Variants in DRD3 observed in about 807,000 individuals in gnomAD.
DRD3 encodes the protein D(3) dopamine receptor.
DRD3 carries 19 observed loss-of-function variants against 36.3 expected under a neutral mutation model. The ratio of observed to expected loss-of-function variants is 0.52; its 90% CI spans 0.36 to 0.77. The LOEUF (loss-of-function observed/expected upper bound fraction) is 0.77, where lower values mean the gene tolerates loss of function less well. DRD3 is among the 30% of genes least tolerant of loss of function. DRD3 has a pLI of 0.00. For missense variants in DRD3, 465 were observed against 505.3 expected (o/e 0.92, Z 0.77); for synonymous variants, 195 against 203.7 (o/e 0.96, Z 0.36).
chr3:114,178,918 G>A lies in DRD3; in HGVS notation c.-297C>T, dbSNP rs973896900. The A allele has an allele frequency of 4.6e-5, 7 of 152,178 alleles. No individual in the cohort carries two copies. The highest frequency in any genetic ancestry group is 1.4e-4 in the African/African-American group (6 of 41,430). 9.4% of individuals were successfully genotyped at this position (152,178 alleles called of 1,614,324 possible). A position where few individuals can be genotyped will look rare whatever the true frequency, so the allele number is the denominator to read the frequency against. The stretch of plus-strand genomic sequence containing the variant: ...TGTATCCGTTTTCTTTAGAGGATTT[G>A]GGAGGGACCCTAAACTGAGCGTTGC... On this transcript the variant is annotated 5_prime_UTR_variant, in exon 1 of 7. Coordinates refer to ENST00000383673, the MANE Select transcript of DRD3 (RefSeq NM_000796.6).
At chr3:114,131,075 A>T (rs749068681) in intron 6 of DRD3, 43 bp downstream of exon 6, 1 of 1,587,056 alleles carries the variant, frequency 6.3e-7, no homozygotes. Context: ...AACTTAACAC[A>T]ACCTAACCCA....
chr3:114,130,304 G>A lies in DRD3; in HGVS notation c.1006+814C>T, dbSNP rs575548642. On this transcript the variant is annotated intron_variant, in intron 6 of 6. Transcript: ENST00000383673. ...ATCTTGATTGTATGCATTATGGAAAGCTTGGTAAATACAGACAAGTAGGAA... is the reference window on the plus strand; with the variant it reads ...ATCTTGATTGTATGCATTATGGAAAACTTGGTAAATACAGACAAGTAGGAA... Among the ~76,000 whole-genome samples the A allele has an allele frequency of 2.5e-3, 384 of 152,056 alleles. 2 individuals are homozygous for A. The highest frequency in any genetic ancestry group is 8.6e-3 in the African/African-American group (355 of 41,470).
intron 4 of DRD3, among the ~76,000 whole-genome samples, chr3:114,142,857 C>G (rs985228313): frequency 2.0e-5 from 3 of 152,250 alleles, no homozygotes; most frequent in African/African-American, 7.2e-5. Context: ...TCTAAGCAAA[C>G]AGCTTCCCTT....
intron 2 of DRD3, among the ~76,000 whole-genome samples, chr3:114,160,160 A>C (rs2077719371): frequency 6.6e-6 from 1 of 152,222 alleles, no homozygotes; most frequent in African/African-American, 2.4e-5. Context: ...TGTTTATTAA[A>C]GATGTAGATT....
intron 5 of DRD3, among the ~76,000 whole-genome samples, chr3:114,137,432 C>G (rs2077484043): frequency 6.6e-6 from 1 of 152,220 alleles, no homozygotes; most frequent in Non-Finnish European, 1.5e-5. Flanking sequence ...AGCCTTGGGT[C>G]TTGATCTCCT....
At chr3:114,165,939 C>T (rs1205731666) in intron 2 of DRD3, among the ~76,000 whole-genome samples, 1 of 150,392 alleles carries the variant, frequency 6.6e-6, no homozygotes, top group Non-Finnish European at 1.5e-5. Flanking sequence ...TCCAGGGCTG[C>T]CCTGGAAATG....
chr3:114,184,509 G>T (rs1458223608), intron 1 of DRD3, among the ~76,000 whole-genome samples: 1 of 151,918 alleles, frequency 6.6e-6, no homozygotes, highest in Non-Finnish European at 1.5e-5. Flanking sequence ...TGCATTTATT[G>T]AGCTCTTTGT....
At chr3:114,139,804 C>G (rs2077508807) in intron 4 of DRD3, 108 bp from the exon 5 acceptor site, 4 of 1,042,354 alleles carry the variant, frequency 3.8e-6, no homozygotes, top group Admixed American at 2.3e-5. Flanking sequence ...TTCTGCTGCA[C>G]AGGGGGTGGG....
chr3:114,131,097 C>T (rs554514985), intron 6 of DRD3, 21 bp downstream of exon 6: 1 of 1,608,548 alleles, frequency 6.2e-7, no homozygotes, highest in South Asian at 1.1e-5. Context: ...CCCAACACAG[C>T]TCAAGCCAAC....
intron 1 of DRD3, among the ~76,000 whole-genome samples, chr3:114,189,781 A>G (rs544564053): frequency 5.3e-5 from 8 of 152,026 alleles, no homozygotes; most frequent in Non-Finnish European, 8.8e-5. Context: ...TGAGTTTGCA[A>G]CCCCTGGAAG....
chr3:114,133,207 G>A (rs533611049), intron 5 of DRD3, among the ~76,000 whole-genome samples: 8 of 152,000 alleles, frequency 5.3e-5, no homozygotes, highest in African/African-American at 1.7e-4. Context: ...CAGGCTGGTC[G>A]CAAACTCCTG....
chr3:114,136,348 G>A (rs2077474617), intron 5 of DRD3, among the ~76,000 whole-genome samples: 1 of 152,156 alleles, frequency 6.6e-6, no homozygotes, highest in African/African-American at 2.4e-5. Flanking sequence ...ATTGGTGAGT[G>A]TATTTTTCAG....
chr3:114,130,832 C>T (rs981474051), intron 6 of DRD3, among the ~76,000 whole-genome samples: 1 of 151,948 alleles, frequency 6.6e-6, no homozygotes, highest in Non-Finnish European at 1.5e-5. Context: ...CAATATGTAC[C>T]AGACAGTTTT....
chr3:114,171,784 C>T lies in DRD3; in HGVS notation c.209G>A (p.Ser70Asn). ...CACCAGCAAGTCTGCCACAGCCAGG[C>T]TCACTACTAAGTAGTTGGTGGTAGT... ...LQTTTNYLVV[S>N]LAVADLLVAT... Residue 70 changes from serine to asparagine, a missense_variant, in exon 2 of 7, where the codon AGC becomes AAC. Coordinates refer to ENST00000383673, the MANE Select transcript of DRD3 (RefSeq NM_000796.6). The T allele has an allele frequency of 6.2e-7, 1 of 1,613,564 alleles. No homozygotes were observed. Among genetic ancestry groups the T allele is most frequent in the Non-Finnish European group, 8.5e-7 (1 of 1,179,712 alleles).
chr3:114,192,083 G>A (rs1328770521), intron 1 of DRD3, among the ~76,000 whole-genome samples: 1 of 152,202 alleles, frequency 6.6e-6, no homozygotes, highest in Non-Finnish European at 1.5e-5. Flanking sequence ...TTGGAGGCTG[G>A]TGGCATGGGG....
chr3:114,157,008 C>CTCTT (rs1282077313), intron 3 of DRD3, among the ~76,000 whole-genome samples: 1 of 138,476 alleles, frequency 7.2e-6, no homozygotes, highest in Non-Finnish European at 1.5e-5. Flanking sequence ...CTCTCTCTCT[C>CTCTT]TCTTTCTTTC....
At chr3:114,143,869 T>C (rs1165774045) in intron 4 of DRD3, among the ~76,000 whole-genome samples, 2 of 152,260 alleles carry the variant, frequency 1.3e-5, no homozygotes, top group African/African-American at 2.4e-5. Flanking sequence ...GCTTATTCAC[T>C]CTTTGCTTAT....
chr3:114,155,745 G>A (rs1369021964), intron 3 of DRD3, among the ~76,000 whole-genome samples: 1 of 152,078 alleles, frequency 6.6e-6, no homozygotes, highest in Non-Finnish European at 1.5e-5. Flanking sequence ...GGAGTGTATA[G>A]GCACACTCTC....
In DRD3 at chr3:114,167,546, T is replaced by A. The variant is rs539281194; in HGVS notation, c.270+4177A>T. On this transcript the variant is annotated intron_variant, in intron 2 of 6. Transcript: ENST00000383673. Reference sequence around the variant, plus strand: ...CTGCTTGGTTTTTGTCCTGAACTTATCTGCCAGGCTTGAGGACAGAGAATA... The same window carrying A: ...CTGCTTGGTTTTTGTCCTGAACTTAACTGCCAGGCTTGAGGACAGAGAATA... Among the ~76,000 whole-genome samples the A allele has an allele frequency of 3.9e-5, 6 of 152,312 alleles. No homozygotes were observed. In the South Asian group the frequency reaches 1.2e-3, roughly 32 times the overall value.
Sources: allele counts gnomAD v4.1 joint callset (sites outside exome capture counted in the v4.1 genomes callset), GRCh38; gene constraint gnomAD v4.1.1; transcripts MANE v1.5; gene names NCBI Gene and HGNC (gene_info 2026-07-23, HGNC 2026-07-21).